Variants in AKAP6 observed in about 807,000 individuals in gnomAD.
AKAP6 encodes the protein A-kinase anchor protein 6.
AKAP6 carries 58 observed loss-of-function variants against 188.5 expected under a neutral mutation model. The observed-to-expected ratio is 0.31, with a 90% CI of 0.25 to 0.38. The LOEUF is 0.38. Ranked by LOEUF, AKAP6 falls within the 10% of genes least tolerant of loss-of-function variation. The pLI, the probability that AKAP6 is intolerant of heterozygous loss-of-function variation, is 1.00. For missense variants in AKAP6, 2,710 were observed against 2,740.0 expected (o/e 0.99, Z 0.24); for synonymous variants, 989 against 998.6 (o/e 0.99, Z 0.18).
intron 5 of AKAP6, among the ~76,000 whole-genome samples, chr14:32,589,395 T>A (rs1182147734): frequency 6.6e-6 from 1 of 152,210 alleles, no homozygotes; most frequent in African/African-American, 2.4e-5. Context: ...CTTCCTTTGG[T>A]GGCACAGGGA....
chr14:32,454,697 CTCCCTCCCTCCT>C (rs1339563710), intron 2 of AKAP6, among the ~76,000 whole-genome samples: 2 of 45,256 alleles, frequency 4.4e-5, no homozygotes, highest in Non-Finnish European at 9.2e-5. Flanking sequence ...CCCTCCCTCC[CTCCCTCCCTCCT>C]TCCCTCCTTC....
intron 7 of AKAP6, among the ~76,000 whole-genome samples, chr14:32,602,670 C>T (rs1439046297): frequency 6.6e-6 from 1 of 152,194 alleles, no homozygotes; most frequent in Non-Finnish European, 1.5e-5. Context: ...GTGTTGGCTA[C>T]ATTTTACATG....
intron 4 of AKAP6, among the ~76,000 whole-genome samples, chr14:32,567,882 A>G (rs1167996895): frequency 2.0e-5 from 3 of 152,192 alleles, no homozygotes; most frequent in African/African-American, 7.2e-5. Context: ...TAGCCCTAGC[A>G]AGGCTGGAGG....
rs1318980385 is a variant in AKAP6, at chr14:32,832,258, A to G, written c.*2453A>G. ...GATGTAGTGAAAGAACAAATCCTAG[A>G]GTCTTTGAAATTTCTAAGGGCATTC... On this transcript the variant is annotated 3_prime_UTR_variant, in exon 14 of 14. Coordinates refer to ENST00000280979, the MANE Select transcript of AKAP6 (RefSeq NM_004274.5). 6.6e-6 allele frequency: 1 copy of G among 152,084 alleles called. No homozygotes were observed. The highest frequency in any genetic ancestry group is 2.4e-5 in the African/African-American group (1 of 41,402). 9.4% of individuals were successfully genotyped at this position (152,084 alleles called of 1,614,324 possible). A position where few individuals can be genotyped will look rare whatever the true frequency, so the allele number is the denominator to read the frequency against.
intron 7 of AKAP6, among the ~76,000 whole-genome samples, chr14:32,602,231 C>T (rs7148123): frequency 0.011 from 1,600 of 152,164 alleles, 23 homozygotes; most frequent in African/African-American, 0.033. Flanking sequence ...TGATAAGAAA[C>T]GACACAGTTA....
In AKAP6 at chr14:32,599,433, T is replaced by A; in HGVS notation, c.2493T>A (p.Ser831Arg). ...THLSFKLNVDSHCALKEAVEE... is the reference protein window; with the variant it reads ...THLSFKLNVDRHCALKEAVEE... ...AGAGTTTTAAGTTGAATGTAGACAG[T>A]CATTGTGCTCTCAAGGAAGCTGTGG... is the stretch of plus-strand genomic sequence containing the variant. The change falls in exon 6 of 14, where the codon AGT becomes AGA. Residue 831 changes from serine to arginine, a missense_variant. This residue lies in a region of AKAP6 where 2,473 missense variants were observed against 2,426.1 expected (regional missense o/e 1.02). Transcript: ENST00000280979. 2 of 1,613,206 alleles carry A rather than the reference T, an allele frequency of 1.2e-6. No individual in the cohort carries two copies. Among genetic ancestry groups the A allele is most frequent in the Non-Finnish European group, 1.7e-6 (2 of 1,179,442 alleles).
At chr14:32,594,414 A>G (rs1381390960) in intron 5 of AKAP6, among the ~76,000 whole-genome samples, 2 of 152,276 alleles carry the variant, frequency 1.3e-5, no homozygotes, top group Non-Finnish European at 2.9e-5. Context: ...ATGATTGTTT[A>G]GTCTTCATTT....
At chr14:32,506,796 G>T (rs1880901565) in intron 2 of AKAP6, among the ~76,000 whole-genome samples, 1 of 149,796 alleles carries the variant, frequency 6.7e-6, no homozygotes, top group Non-Finnish European at 1.5e-5. Flanking sequence ...GCCTCCCAAA[G>T]TGTTGGGATT....
chr14:32,584,639 C>G (rs1199887579), intron 5 of AKAP6, among the ~76,000 whole-genome samples: 1 of 152,172 alleles, frequency 6.6e-6, no homozygotes, highest in Non-Finnish European at 1.5e-5. Context: ...CCTCCTACCC[C>G]TCCCTGGCCT....
chr14:32,684,089 A>G (rs1889808476), intron 8 of AKAP6, among the ~76,000 whole-genome samples: 1 of 152,204 alleles, frequency 6.6e-6, no homozygotes, highest in Non-Finnish European at 1.5e-5. Context: ...TATTTGAGAC[A>G]TAGTTCTTTC....
chr14:32,656,893 T>C (rs1432193798), intron 7 of AKAP6, among the ~76,000 whole-genome samples: 1 of 152,182 alleles, frequency 6.6e-6, no homozygotes, highest in Non-Finnish European at 1.5e-5. Flanking sequence ...TCTCTCTGTT[T>C]ATCCTGCTTA....
chr14:32,347,842 T>C (rs781439245), intron 1 of AKAP6, among the ~76,000 whole-genome samples: 1 of 152,250 alleles, frequency 6.6e-6, no homozygotes, highest in Non-Finnish European at 1.5e-5. Flanking sequence ...GTGTCTTCTG[T>C]TGACCTGGTT....
At chr14:32,726,114 C>T (rs2030859584) in intron 9 of AKAP6, 1 of 875,928 alleles carries the variant, frequency 1.1e-6, no homozygotes, top group African/African-American at 1.8e-5. Flanking sequence ...TTTTCTAGTT[C>T]CCACACTAGA....
In AKAP6 at chr14:32,830,833, A is replaced by G. The variant is rs376564771; in HGVS notation, c.*1028A>G. 17 of 152,620 alleles carry G rather than the reference A, an allele frequency of 1.1e-4. No homozygotes were observed. Among genetic ancestry groups the G allele is most frequent in the African/African-American group, 3.6e-4 (15 of 41,456 alleles). The allele number at this position is 152,620 out of a possible 1,614,324, so 9.5% of individuals were successfully genotyped here. On this transcript the variant is annotated 3_prime_UTR_variant, in exon 14 of 14. Transcript: ENST00000280979. ...AAAAGGAAAATTAGTGATCTCTTCT[A>G]CTATGTTCTTTACCAAATTGTTGCA...
intron 2 of AKAP6, among the ~76,000 whole-genome samples, chr14:32,450,693 G>T (rs972772760): frequency 6.6e-6 from 1 of 152,096 alleles, no homozygotes; most frequent in African/African-American, 2.4e-5. Flanking sequence ...AAGAGTAACA[G>T]ATTTGGATGT....
At chr14:32,770,973 C>T (rs904608480) in intron 11 of AKAP6, among the ~76,000 whole-genome samples, 1 of 152,234 alleles carries the variant, frequency 6.6e-6, no homozygotes, top group Middle Eastern at 3.4e-3. Context: ...TGTTTCAAAG[C>T]ACATTTTCTC....
At chr14:32,476,948 G>A (rs1043753023) in intron 2 of AKAP6, among the ~76,000 whole-genome samples, 12 of 152,150 alleles carry the variant, frequency 7.9e-5, no homozygotes, top group Non-Finnish European at 1.8e-4. Context: ...ATCTTAAAGC[G>A]GGGTCTTACA....
At chr14:32,688,120 G>GTA (rs1356750686) in intron 8 of AKAP6, among the ~76,000 whole-genome samples, 81 of 150,114 alleles carry the variant, frequency 5.4e-4, no homozygotes, top group Non-Finnish European at 8.4e-4. Flanking sequence ...ATATAATATA[G>GTA]TATATATATA....
chr14:32,625,694 A>G (rs796977659), intron 7 of AKAP6, among the ~76,000 whole-genome samples: 31 of 152,004 alleles, frequency 2.0e-4, no homozygotes, highest in African/African-American at 6.0e-4. Context: ...TCAGTGTAGT[A>G]AAAATATTTG....
Sources: gnomAD v4.1 joint callset for allele counts (sites outside exome capture counted in the v4.1 genomes callset) on GRCh38, gnomAD v4.1.1 for gene constraint, gnomAD v4.1.1 regional missense constraint, MANE v1.5 for transcripts, NCBI Gene and HGNC (gene_info 2026-07-23, HGNC 2026-07-21) for gene names.